MBTPS1: variants seen among roughly 807,000 people sequenced by gnomAD.
MBTPS1 encodes membrane bound transcription factor peptidase, site 1.
A neutral mutation model predicts 127.8 loss-of-function variants in MBTPS1; 94 were observed. That is an observed-to-expected ratio of 0.74 (90% CI 0.62 to 0.87). MBTPS1 has a LOEUF of 0.87. MBTPS1 is among the 40% of genes least tolerant of loss of function. The probability of loss-of-function intolerance (pLI) is 0.00; values close to 1 mark genes in which losing one functional copy is unlikely to be tolerated. For missense variants in MBTPS1, 1,636 were observed against 1,353.2 expected, an observed-to-expected ratio of 1.21 and a Z score of -3.28; for synonymous variants, 632 against 509.4, an observed-to-expected ratio of 1.24 and a Z score of -3.24.
intron 8 of MBTPS1, among the ~76,000 whole-genome samples, chr16:84,088,357 C>T (rs915971624): frequency 2.0e-5 from 3 of 151,904 alleles, no homozygotes; most frequent in Non-Finnish European, 1.5e-5. Context: ...ACTGCCTCCT[C>T]AGCCCACTGG....
intron 1 of MBTPS1, among the ~76,000 whole-genome samples, chr16:84,107,589 T>A (rs2086341874): frequency 6.6e-6 from 1 of 152,112 alleles, no homozygotes; most frequent in South Asian, 2.1e-4. Flanking sequence ...TTTCAAAATA[T>A]AAATTTCCTT....
chr16:84,061,499 G>T (rs1335621921), intron 19 of MBTPS1: 2 of 152,374 alleles, frequency 1.3e-5, no homozygotes. Context: ...GGGGTCTCAG[G>T]GGCAACAGGG....
At position 84,079,638 on chromosome 16, in the gene MBTPS1, G is replaced by T. The variant is rs58962579; in HGVS notation, c.1448+2109C>A. ...TAAGCAAATAAGCCAACATATTGTG[G>T]ATAATGAGAGCCAGGCTTCTCACTG... On this transcript the variant is annotated intron_variant, in intron 11 of 22. Transcript: ENST00000343411. Among the ~76,000 whole-genome samples the T allele has an allele frequency of 7.7e-3, 1,176 of 152,352 alleles. 16 individuals are homozygous for T. Among genetic ancestry groups the T allele is most frequent in the African/African-American group, 0.027 (1,117 of 41,576 alleles).
intron 3 of MBTPS1, among the ~76,000 whole-genome samples, 190 bp downstream of exon 3, chr16:84,098,863 T>C (rs1478620257): frequency 6.6e-6 from 1 of 152,056 alleles, no homozygotes; most frequent in Non-Finnish European, 1.5e-5. Context: ...AAAATAATTC[T>C]GCCCCCCCAA....
chr16:84,073,208 A>G (rs2085799746), intron 12 of MBTPS1, among the ~76,000 whole-genome samples: 2 of 152,160 alleles, frequency 1.3e-5, no homozygotes, highest in South Asian at 4.1e-4. Context: ...ATCTCGGCCC[A>G]CTGCAACCTC....
intron 3 of MBTPS1, 117 bp downstream of exon 3, chr16:84,098,936 T>C (rs1258927803): frequency 7.5e-6 from 8 of 1,061,770 alleles, no homozygotes; most frequent in Non-Finnish European, 9.6e-6. Flanking sequence ...ATGTTCACAA[T>C]TAGCAAACTA....
At position 84,060,685 on chromosome 16, in the gene MBTPS1, C is replaced by G; in HGVS notation, c.2701G>C (p.Glu901Gln). Residue 901 changes from glutamate to glutamine, a missense_variant, in exon 20 of 23, where the codon GAA (glutamate) becomes CAA (glutamine). Transcript: ENST00000343411. ...GGCATCCTGCCCATCCACTCACCTT[C>G]CATCCTCTCTGGAGTGACTGAGCCT... ...GAGSVTPERM[E>Q]GNHLHRYSKV... The G allele has an allele frequency of 6.2e-7, 1 of 1,613,574 alleles. No homozygotes were observed. Among genetic ancestry groups the G allele is most frequent in the Non-Finnish European group, 8.5e-7 (1 of 1,179,596 alleles).
rs775034108 is a variant in MBTPS1 at position 84,059,365 on chromosome 16, G to C, written c.2768C>G (p.Pro923Arg). 5.6e-6 allele frequency: 9 copies of C among 1,614,060 alleles called. No individual in the cohort carries two copies. The highest frequency in any genetic ancestry group is 1.3e-5 in the African/African-American group (1 of 74,940). ...EAHLGDPKPR[P>R]LPACPRLSWA... is the part of the protein sequence containing the mutation. ...AGACAAGCGTGGACAGGCTGGTAGAGGCCGAGGTTTTGGGTCTCCCAAATG... is the reference window on the plus strand; with the variant it reads ...AGACAAGCGTGGACAGGCTGGTAGACGCCGAGGTTTTGGGTCTCCCAAATG... The change falls in exon 21 of 23, where the codon CCT becomes CGT. Residue 923 changes from proline to arginine, a missense_variant. Coordinates refer to ENST00000343411, the MANE Select transcript of MBTPS1 (RefSeq NM_003791.4).
chr16:84,109,045 T>C (rs116846423), intron 1 of MBTPS1, among the ~76,000 whole-genome samples: 2,460 of 152,328 alleles, frequency 0.016, 30 homozygotes, highest in Non-Finnish European at 0.028. Context: ...CAAAAGGGTG[T>C]GGCAGCAGTG....
At chr16:84,089,420 A>G (rs2086073609) in intron 8 of MBTPS1, among the ~76,000 whole-genome samples, 1 of 152,266 alleles carries the variant, frequency 6.6e-6, no homozygotes, top group African/African-American at 2.4e-5. Context: ...AATACTGAAG[A>G]CCTTGAAAAA....
chr16:84,061,687 A>G (rs552231051), intron 19 of MBTPS1: 1 of 152,374 alleles, frequency 6.6e-6, no homozygotes, highest in East Asian at 1.9e-4. Context: ...CAGCAGAGAA[A>G]GGGCAATTTG....
chr16:84,085,584 A>ACCCC (rs1567490598), intron 9 of MBTPS1, among the ~76,000 whole-genome samples: 2 of 30,358 alleles, frequency 6.6e-5, no homozygotes, highest in East Asian at 2.5e-3. Context: ...CCCCCCCCAA[A>ACCCC]AAAAAAGAGA....
intron 3 of MBTPS1, among the ~76,000 whole-genome samples, chr16:84,097,248 G>A (rs1187964530): frequency 3.3e-5 from 5 of 152,192 alleles, no homozygotes; most frequent in Non-Finnish European, 4.4e-5. Context: ...CCTTCTACGA[G>A]TAACAGCCAG....
chr16:84,116,509 A>T (rs937965989), intron 1 of MBTPS1, among the ~76,000 whole-genome samples: 1 of 152,240 alleles, frequency 6.6e-6, no homozygotes, highest in Non-Finnish European at 1.5e-5. Flanking sequence ...AAAGAAAACC[A>T]GGCAACGGAA....
At position 84,070,014 on chromosome 16, in the gene MBTPS1, A is replaced by C. The variant is rs777836925; in HGVS notation, c.1807T>G (p.Ser603Ala). The C allele has an allele frequency of 6.2e-7, 1 of 1,611,518 alleles. No homozygotes were observed. The highest frequency in any genetic ancestry group is 1.7e-5 in the Admixed American group (1 of 59,220). ...ACCTTAATGGGGAGCTTTACTGTTGAAGTCTGTTCTGCACCATTTTTTGAC... is the reference window on the plus strand; with the variant it reads ...ACCTTAATGGGGAGCTTTACTGTTGCAGTCTGTTCTGCACCATTTTTTGAC... The part of the protein sequence containing the change: ...TESKNGAEQT[S>A]TVKLPIKVKI... The change falls in exon 14 of 23, where the codon TCA becomes GCA. Residue 603 changes from serine to alanine, a missense_variant. By Grantham distance (99) the Ser-to-Ala change is moderately conservative. Coordinates refer to ENST00000343411, the MANE Select transcript of MBTPS1 (RefSeq NM_003791.4).
intron 3 of MBTPS1, among the ~76,000 whole-genome samples, chr16:84,097,750 T>C (rs2086195651): frequency 6.6e-6 from 1 of 152,242 alleles, no homozygotes; most frequent in Admixed American, 6.5e-5. Flanking sequence ...GAATAATACA[T>C]AACATCTGGA....
chr16:84,059,180 T>C, intron 21 of MBTPS1, 122 bp downstream of exon 21: 1 of 1,322,938 alleles, frequency 7.6e-7, no homozygotes, highest in Non-Finnish European at 1.0e-6. Context: ...CTGTCGCAAA[T>C]GACAAGCTTG....
At chr16:84,091,322 C>A (rs1042702475) in intron 7 of MBTPS1, among the ~76,000 whole-genome samples, 1 of 151,902 alleles carries the variant, frequency 6.6e-6, no homozygotes, top group African/African-American at 2.4e-5. Context: ...CCCGTCTCTA[C>A]TAAAAATAGC....
At chr16:84,074,795 G>C in intron 11 of MBTPS1, 54 bp from the exon 12 acceptor site, 1 of 1,500,354 alleles carries the variant, frequency 6.7e-7, no homozygotes, top group Non-Finnish European at 9.2e-7. Context: ...CTACAATGAA[G>C]CAACACAACT....
Sources: gnomAD v4.1 joint callset for allele counts (sites outside exome capture counted in the v4.1 genomes callset) on GRCh38, gnomAD v4.1.1 for gene constraint, MANE v1.5 for transcripts, NCBI Gene and HGNC (gene_info 2026-07-23, HGNC 2026-07-21) for gene names.